PSMA1: variants seen among roughly 807,000 people sequenced by gnomAD.
The protein encoded by PSMA1 is proteasome 20S subunit alpha 1.
PSMA1 carries 3 observed loss-of-function variants against 38.4 expected under a neutral mutation model. The ratio of observed to expected loss-of-function variants is 0.08; its 90% CI spans 0.04 to 0.20. PSMA1 has a LOEUF of 0.20. Ranked by LOEUF, PSMA1 falls within the 10% of genes least tolerant of loss-of-function variation. PSMA1 has a pLI of 1.00. For synonymous variants in PSMA1, 101 were observed against 107.1 expected, an observed-to-expected ratio of 0.94 and a Z score of 0.35; for missense variants, 227 against 325.3, an observed-to-expected ratio of 0.70 and a Z score of 2.32.
intron 2 of PSMA1, among the ~76,000 whole-genome samples, chr11:14,604,470 A>G (rs1480957781): frequency 6.6e-6 from 1 of 152,184 alleles, no homozygotes; most frequent in East Asian, 1.9e-4. Flanking sequence ...GGCACATGCA[A>G]TTTTAGTCCA....
intron 2 of PSMA1, among the ~76,000 whole-genome samples, chr11:14,531,810 T>C (rs1851650325): frequency 6.6e-6 from 1 of 152,202 alleles, no homozygotes; most frequent in African/African-American, 2.4e-5. Flanking sequence ...TAATCTTTTA[T>C]AGATTGCATC....
chr11:14,531,653 C>T (rs1227105596), intron 2 of PSMA1, among the ~76,000 whole-genome samples: 1 of 151,924 alleles, frequency 6.6e-6, no homozygotes, highest in Admixed American at 6.6e-5. Flanking sequence ...AGAGATGGGG[C>T]TTTGCCATGT....
chr11:14,562,564 C>CATG (rs1157349717), intron 2 of PSMA1, among the ~76,000 whole-genome samples: 1 of 152,034 alleles, frequency 6.6e-6, no homozygotes, highest in Non-Finnish European at 1.5e-5. Flanking sequence ...TTTTTAAATC[C>CATG]ATGAAAGAGT....
At chr11:14,516,129 G>T (rs1016481016) in intron 4 of PSMA1, among the ~76,000 whole-genome samples, 2 of 151,178 alleles carry the variant, frequency 1.3e-5, no homozygotes, top group Admixed American at 6.6e-5. Context: ...AGAATTCCTT[G>T]AACTCTGGAG....
chr11:14,584,746 T>G (rs1852323333), intron 2 of PSMA1, among the ~76,000 whole-genome samples: 1 of 152,236 alleles, frequency 6.6e-6, no homozygotes, highest in African/African-American at 2.4e-5. Flanking sequence ...AGTTTTCCTT[T>G]AGATCTCACC....
At chr11:14,539,140 G>A (rs1256027568) in intron 2 of PSMA1, among the ~76,000 whole-genome samples, 2 of 152,158 alleles carry the variant, frequency 1.3e-5, no homozygotes, top group Admixed American at 6.5e-5. Context: ...TACACTTGAA[G>A]GCAACATTTC....
At chr11:14,631,835 T>C (rs1273778832) in intron 1 of PSMA1, among the ~76,000 whole-genome samples, 4 of 151,498 alleles carry the variant, frequency 2.6e-5, no homozygotes, top group African/African-American at 7.3e-5. Context: ...ACTTGCTTTA[T>C]GAATCTTGGT....
At chr11:14,634,466 G>A (rs1853086091) in intron 1 of PSMA1, among the ~76,000 whole-genome samples, 1 of 151,800 alleles carries the variant, frequency 6.6e-6, no homozygotes, top group African/African-American at 2.4e-5. Flanking sequence ...TTTTTTGAAG[G>A]CGAAGATTCC....
intron 2 of PSMA1, among the ~76,000 whole-genome samples, chr11:14,594,169 T>C (rs911397736): frequency 3.3e-5 from 5 of 152,238 alleles, no homozygotes. Flanking sequence ...TCTGGACTTC[T>C]TCTTATGTGA....
rs539420044 is a variant in PSMA1 at position 14,589,395 on chromosome 11, G to A, written c.21+21571C>T. Among the ~76,000 whole-genome samples the A allele has an allele frequency of 4.0e-5, 6 of 150,446 alleles. No homozygotes were observed. In the East Asian group the frequency reaches 1.2e-3, roughly 29 times the overall value. Reference sequence around the variant, plus strand: ...TGTGTGTGTGTGTGTATATATATGTGTGTGTATATATATATGTGTATATAT... The same window carrying A: ...TGTGTGTGTGTGTGTATATATATGTATGTGTATATATATATGTGTATATAT... On this transcript the variant is annotated intron_variant, in intron 2 of 10. Coordinates refer to the PSMA1 transcript ENST00000418988.
intron 2 of PSMA1, among the ~76,000 whole-genome samples, chr11:14,545,439 A>G (rs1330368156): frequency 6.6e-6 from 1 of 152,196 alleles, no homozygotes; most frequent in Non-Finnish European, 1.5e-5. Flanking sequence ...TGCTTGCATT[A>G]GCTATTTATC....
intron 2 of PSMA1, among the ~76,000 whole-genome samples, chr11:14,558,352 G>C (rs533770463): frequency 6.6e-6 from 1 of 152,150 alleles, no homozygotes; most frequent in South Asian, 2.1e-4. Flanking sequence ...GGAGATCAAG[G>C]CTGCAGTGAG....
chr11:14,633,816 C>T (rs1853071147), intron 1 of PSMA1, among the ~76,000 whole-genome samples: 1 of 152,164 alleles, frequency 6.6e-6, no homozygotes, highest in African/African-American at 2.4e-5. Flanking sequence ...ACCCTCCGAG[C>T]CAGGTGCGGG....
intron 2 of PSMA1, among the ~76,000 whole-genome samples, chr11:14,597,450 A>G (rs1224231775): frequency 6.6e-6 from 1 of 152,168 alleles, no homozygotes; most frequent in African/African-American, 2.4e-5. Flanking sequence ...CAGAGATTCA[A>G]CTTCTTCCTG....
intron 1 of PSMA1, among the ~76,000 whole-genome samples, chr11:14,630,383 G>A (rs1208719034): frequency 6.6e-6 from 1 of 152,196 alleles, no homozygotes; most frequent in Admixed American, 6.5e-5. Flanking sequence ...AAGGGTTGTT[G>A]AATTTTGTCA....
At chr11:14,598,473 T>C (rs1852531981) in intron 2 of PSMA1, among the ~76,000 whole-genome samples, 1 of 152,164 alleles carries the variant, frequency 6.6e-6, no homozygotes, top group Non-Finnish European at 1.5e-5. Context: ...GCTCTTCTTG[T>C]TGAATTAATC....
chr11:14,623,410 G>A (rs1852873221), intron 1 of PSMA1, among the ~76,000 whole-genome samples: 1 of 152,204 alleles, frequency 6.6e-6, no homozygotes, highest in African/African-American at 2.4e-5. Flanking sequence ...GCGTGGATCT[G>A]TAAAAAGTGC....
intron 2 of PSMA1, among the ~76,000 whole-genome samples, chr11:14,550,714 AC>A (rs1851876269): frequency 6.6e-6 from 1 of 151,842 alleles, no homozygotes; most frequent in Non-Finnish European, 1.5e-5. Context: ...ATTTTTGCTG[AC>A]GTGAGTGATG....
At chr11:14,527,459 C>T (rs1851599822) in intron 2 of PSMA1, among the ~76,000 whole-genome samples, 1 of 152,168 alleles carries the variant, frequency 6.6e-6, no homozygotes, top group African/African-American at 2.4e-5. Flanking sequence ...CTCTTAGAAC[C>T]TCTCATTTCC....
Sources: allele counts gnomAD v4.1 joint callset (sites outside exome capture counted in the v4.1 genomes callset), GRCh38; gene constraint gnomAD v4.1.1; transcripts MANE v1.5; gene names NCBI Gene and HGNC (gene_info 2026-07-23, HGNC 2026-07-21).